Variants in EPHA3 observed in about 807,000 individuals in gnomAD.
The protein encoded by EPHA3 is ephrin type-A receptor 3.
Under a neutral mutation model 107.1 loss-of-function variants are expected in EPHA3, and 42 were observed. The ratio of observed to expected loss-of-function variants is 0.39; its 90% CI spans 0.31 to 0.51. EPHA3 has a LOEUF of 0.51. EPHA3 is among the 20% of genes least tolerant of loss of function. EPHA3 has a pLI of 0.78. For synonymous variants in EPHA3, 461 were observed against 424.8 expected, an observed-to-expected ratio of 1.09 and a Z score of -1.05; for missense variants, 1,183 against 1,211.2, an observed-to-expected ratio of 0.98 and a Z score of 0.35.
intron 2 of EPHA3, 90 bp from the exon 3 acceptor site, chr3:89,209,770 T>G (rs1706223097): frequency 9.3e-7 from 1 of 1,080,334 alleles, no homozygotes; most frequent in South Asian, 2.1e-5. Flanking sequence ...AATGATGATT[T>G]ATTATATAGA....
chr3:89,244,873 A>T (rs4857496), intron 3 of EPHA3, among the ~76,000 whole-genome samples: 77,241 of 151,972 alleles, frequency 0.51, 20,843 homozygotes, highest in African/African-American at 0.69. Flanking sequence ...GAAGTGACAC[A>T]TTTTCCTATG....
chr3:89,379,973 T>C (rs1708469042), intron 5 of EPHA3, among the ~76,000 whole-genome samples: 2 of 152,212 alleles, frequency 1.3e-5, no homozygotes, highest in African/African-American at 4.8e-5. Context: ...ATAGGACCTC[T>C]CTTTCTGCTT....
intron 11 of EPHA3, among the ~76,000 whole-genome samples, chr3:89,420,241 A>G (rs182076322): frequency 2.4e-3 from 371 of 151,518 alleles, no homozygotes; most frequent in Middle Eastern, 0.024. Flanking sequence ...TTGGCACCAC[A>G]TTTACATACT....
intron 3 of EPHA3, among the ~76,000 whole-genome samples, chr3:89,308,133 C>T (rs1340502386): frequency 2.0e-5 from 3 of 151,846 alleles, no homozygotes; most frequent in Non-Finnish European, 4.4e-5. Flanking sequence ...ATATACTTGG[C>T]TTTGTGATAA....
At chr3:89,418,187 A>G (rs1709284873) in intron 10 of EPHA3, among the ~76,000 whole-genome samples, 1 of 151,476 alleles carries the variant, frequency 6.6e-6, no homozygotes, top group Non-Finnish European at 1.5e-5. Flanking sequence ...TAATCATATA[A>G]TTAATTCTAA....
intron 1 of EPHA3, among the ~76,000 whole-genome samples, chr3:89,123,296 G>A (rs2106964762): frequency 6.6e-6 from 1 of 152,086 alleles, no homozygotes. Flanking sequence ...GGTGTGTGCT[G>A]CCATGCCAGC....
intron 7 of EPHA3, among the ~76,000 whole-genome samples, chr3:89,404,165 T>C (rs1453740310): frequency 3.9e-5 from 6 of 152,084 alleles, no homozygotes; most frequent in Admixed American, 3.9e-4. Flanking sequence ...CTAGGGAACA[T>C]AAAGGAAGCC....
intron 13 of EPHA3, among the ~76,000 whole-genome samples, chr3:89,439,725 A>G (rs758441143): frequency 3.4e-4 from 36 of 106,584 alleles, no homozygotes; most frequent in Non-Finnish European, 4.7e-4. Flanking sequence ...ATATTAAGGC[A>G]CACACACACA....
intron 12 of EPHA3, 22 bp downstream of exon 12, chr3:89,429,189 A>G: frequency 6.4e-7 from 1 of 1,571,910 alleles, no homozygotes; most frequent in Admixed American, 1.7e-5. Context: ...GCACACACAT[A>G]CATATATATG....
Position 89,312,366 on chromosome 3 carries a change from G to GT in EPHA3, c.815-28538dup, listed in dbSNP as rs71105128. 4.7e-3 allele frequency among the ~76,000 whole-genome samples: 677 copies of GT among 142,892 alleles called. 2 individuals are homozygous for GT. The highest frequency in any genetic ancestry group is 6.8e-3 in the South Asian group (31 of 4,588). 93.7% of individuals were successfully genotyped at this position (142,892 alleles called of 152,430 possible). A position where few individuals can be genotyped will look rare whatever the true frequency, so the allele number is the denominator to read the frequency against. On this transcript the variant is annotated intron_variant, in intron 3 of 16. Transcript: ENST00000336596. ...GTTCATTCGCAGTTACGCAATTCTG[G>GT]TTTTTTTTTTTTGTAGATTTATTAA... is the stretch of plus-strand genomic sequence containing the variant.
intron 6 of EPHA3, among the ~76,000 whole-genome samples, chr3:89,396,239 C>A (rs1202824188): frequency 2.6e-5 from 4 of 152,136 alleles, no homozygotes; most frequent in Non-Finnish European, 5.9e-5. Flanking sequence ...CCCTTTACAC[C>A]AAGACCCCTA....
At chr3:89,372,453 T>A (rs936435911) in intron 5 of EPHA3, among the ~76,000 whole-genome samples, 5 of 151,456 alleles carry the variant, frequency 3.3e-5, no homozygotes, top group Admixed American at 2.0e-4. Context: ...GACTTTTTAT[T>A]CCTTCTAATT....
At chr3:89,214,833 T>G (rs556684799) in intron 3 of EPHA3, among the ~76,000 whole-genome samples, 1 of 152,048 alleles carries the variant, frequency 6.6e-6, no homozygotes, top group Non-Finnish European at 1.5e-5. Flanking sequence ...CAGAAAGACT[T>G]TTAGGTTTTA....
chr3:89,310,653 A>G (rs1218601320), intron 3 of EPHA3, among the ~76,000 whole-genome samples: 1 of 151,876 alleles, frequency 6.6e-6, no homozygotes, highest in Admixed American at 6.6e-5. Context: ...CATGCAATTT[A>G]ATAGATACTC....
chr3:89,142,235 A>G (rs1704448814), intron 2 of EPHA3, among the ~76,000 whole-genome samples: 1 of 151,408 alleles, frequency 6.6e-6, no homozygotes, highest in Non-Finnish European at 1.5e-5. Flanking sequence ...CCAACGTTCA[A>G]TTTCCCTTTG....
intron 2 of EPHA3, among the ~76,000 whole-genome samples, chr3:89,165,467 A>G (rs1042766794): frequency 1.3e-5 from 2 of 152,226 alleles, no homozygotes; most frequent in Non-Finnish European, 2.9e-5. Flanking sequence ...CCCCAATGCT[A>G]TCACCATAGA....
intron 3 of EPHA3, among the ~76,000 whole-genome samples, chr3:89,220,229 G>A (rs1478462559): frequency 6.6e-6 from 1 of 152,126 alleles, no homozygotes; most frequent in Non-Finnish European, 1.5e-5. Context: ...CTAAAGGTTC[G>A]AATTATACAT....
chr3:89,350,751 T>C (rs1707792770), intron 5 of EPHA3, among the ~76,000 whole-genome samples: 2 of 151,032 alleles, frequency 1.3e-5, no homozygotes, highest in African/African-American at 4.8e-5. Context: ...TGTGGTTTTA[T>C]CTACTTTTGG....
At chr3:89,262,999 T>A (rs1034977028) in intron 3 of EPHA3, among the ~76,000 whole-genome samples, 2 of 144,318 alleles carry the variant, frequency 1.4e-5, no homozygotes, top group African/African-American at 5.1e-5. Context: ...TTAATTATAC[T>A]TTAAGTTCTC....
Sources: gnomAD v4.1 joint callset for allele counts (sites outside exome capture counted in the v4.1 genomes callset) on GRCh38, gnomAD v4.1.1 for gene constraint, MANE v1.5 for transcripts, NCBI Gene and HGNC (gene_info 2026-07-23, HGNC 2026-07-21) for gene names.